The following VDAC1 variants were observed in gnomAD, a reference collection of about 807,000 sequenced individuals.
VDAC1 encodes non-selective voltage-gated ion channel VDAC1.
In VDAC1, 10 loss-of-function variants were observed where a neutral mutation model predicts 34.7. The observed-to-expected ratio is 0.29, with a 90% CI of 0.18 to 0.49. The LOEUF (loss-of-function observed/expected upper bound fraction) is 0.49, where lower values mean the gene tolerates loss of function less well. Among genes scored for constraint, VDAC1 ranks in the 20% least tolerant of loss-of-function variants. The pLI, the probability that VDAC1 is intolerant of heterozygous loss-of-function variation, is 0.99. For synonymous variants in VDAC1, 130 were observed against 136.0 expected (o/e 0.96, Z 0.30); for missense variants, 230 against 347.9 (o/e 0.66, Z 2.69).
the VDAC1 span, among the ~76,000 whole-genome samples, chr5:134,109,113 A>C: frequency 7.9e-6 from 1 of 126,930 alleles, no homozygotes; most frequent in South Asian, 2.7e-4. Flanking sequence ...ATTCTAAGTG[A>C]TCACTGCTAT....
At chr5:134,038,938 T>C in the VDAC1 span, among the ~76,000 whole-genome samples, 1 of 151,350 alleles carries the variant, frequency 6.6e-6, no homozygotes, top group South Asian at 2.1e-4. Flanking sequence ...AATGGGCCCA[T>C]AGAGGGCCCA....
chr5:134,063,165 T>C, the VDAC1 span, among the ~76,000 whole-genome samples: 15,139 of 152,250 alleles, frequency 0.099, 1,016 homozygotes, highest in East Asian at 0.28. Context: ...TATATGAATA[T>C]ATAACCATGG....
intron 1 of VDAC1, among the ~76,000 whole-genome samples, chr5:134,001,350 T>C (rs1038247757): frequency 2.0e-5 from 3 of 152,178 alleles, no homozygotes; most frequent in African/African-American, 4.8e-5. Flanking sequence ...AGAACATTCG[T>C]TGAGCCCCCA....
chr5:133,999,953 G>A (rs1753478935), intron 1 of VDAC1, among the ~76,000 whole-genome samples: 1 of 152,102 alleles, frequency 6.6e-6, no homozygotes, highest in Non-Finnish European at 1.5e-5. Flanking sequence ...AACTAGGCCA[G>A]CCTATAGGAG....
intron 5 of VDAC1, among the ~76,000 whole-genome samples, chr5:133,985,653 G>GA (rs1317894421): frequency 6.6e-6 from 1 of 151,986 alleles, no homozygotes; most frequent in Non-Finnish European, 1.5e-5. Flanking sequence ...GATGTCTCAA[G>GA]AAAAAAGAAA....
chr5:134,005,863 A>G (rs1753737887), upstream of VDAC1, among the ~76,000 whole-genome samples: 1 of 152,218 alleles, frequency 6.6e-6, no homozygotes, highest in South Asian at 2.1e-4. Context: ...ACGTCCTGGA[A>G]GGCTTGAGGC....
intron 6 of VDAC1, 95 bp downstream of exon 6, chr5:133,980,634 T>TA (rs55708320): frequency 0.2 from 113,336 of 580,422 alleles, 1,694 homozygotes; most frequent in South Asian, 0.24. Flanking sequence ...TGGGCTTTCT[T>TA]AAAAAAAAAA....
In VDAC1 at chr5:133,975,538, G is replaced by A. The variant is rs1752444423; in HGVS notation, c.702+333C>T. Among the ~76,000 whole-genome samples the A allele has an allele frequency of 4.7e-5, 7 of 150,440 alleles. No homozygotes were observed. The Admixed American group carries it at 4.7e-4, about 10-fold the overall frequency. ...TGCAGTGACACGATCTCAGCTCACT[G>A]CAACCTCCGCCTCCCCGGTTCAAGC... On this transcript the variant is annotated intron_variant, in intron 7 of 8. Coordinates refer to ENST00000265333, the MANE Select transcript of VDAC1 (RefSeq NM_003374.3).
At chr5:134,060,270 T>G in the VDAC1 span, among the ~76,000 whole-genome samples, 1 of 152,020 alleles carries the variant, frequency 6.6e-6, no homozygotes, top group Non-Finnish European at 1.5e-5. Flanking sequence ...GTTGATGCGC[T>G]GCACGCACCT....
intron 5 of VDAC1, chr5:133,989,278 A>G (rs1753014340): frequency 2.0e-5 from 3 of 152,250 alleles, no homozygotes; most frequent in African/African-American, 2.4e-5. Context: ...AAGAAAAAAA[A>G]TGAATGGCAA....
rs560250874 is a variant in VDAC1, at chr5:133,988,506, A to C, written c.323+2349T>G. Among the ~76,000 whole-genome samples, 6 of 151,784 alleles carry C rather than the reference A, an allele frequency of 4.0e-5. No homozygotes were observed. The South Asian group carries it at 1.0e-3, about 26-fold the overall frequency. On this transcript the variant is annotated intron_variant, in intron 5 of 8. Coordinates refer to ENST00000265333, the MANE Select transcript of VDAC1 (RefSeq NM_003374.3). ...GAGGCTGAGGCAGGAGAAACACATG[A>C]ATCTGCCCAGCACTTTGGGAGGCCG...
At chr5:134,057,622 G>T in the VDAC1 span, among the ~76,000 whole-genome samples, 1 of 151,480 alleles carries the variant, frequency 6.6e-6, no homozygotes, top group Non-Finnish European at 1.5e-5. Flanking sequence ...CTGGGAGGCG[G>T]AGGTTACAGT....
At chr5:134,107,202 G>A in the VDAC1 span, among the ~76,000 whole-genome samples, 3 of 152,350 alleles carry the variant, frequency 2.0e-5, no homozygotes, top group African/African-American at 4.8e-5. Flanking sequence ...GGGCAAAGCC[G>A]CACAGGAAGT....
chr5:134,002,471 C>T (rs1753595137), intron 1 of VDAC1, among the ~76,000 whole-genome samples: 1 of 152,220 alleles, frequency 6.6e-6, no homozygotes, highest in South Asian at 2.1e-4. Context: ...GAATCCCAGT[C>T]ACCCATGTCA....
chr5:134,063,574 C>A, the VDAC1 span, among the ~76,000 whole-genome samples: 27 of 152,174 alleles, frequency 1.8e-4, no homozygotes, highest in African/African-American at 6.0e-4. Flanking sequence ...TGCTGGGAAT[C>A]CTTCTGCTAA....
chr5:134,000,917 T>C (rs982284556), intron 1 of VDAC1, among the ~76,000 whole-genome samples: 17 of 152,164 alleles, frequency 1.1e-4, no homozygotes, highest in East Asian at 9.6e-4. Context: ...CAATGAGGCA[T>C]TGTTTAGCTG....
At chr5:134,042,650 TGCCTG>T in the VDAC1 span, among the ~76,000 whole-genome samples, 1 of 152,312 alleles carries the variant, frequency 6.6e-6, no homozygotes, top group East Asian at 1.9e-4. Context: ...TGCACTACTG[TGCCTG>T]GCTACTTTTT....
the VDAC1 span, among the ~76,000 whole-genome samples, chr5:134,013,965 T>G: frequency 1.4e-5 from 2 of 147,630 alleles, no homozygotes; most frequent in African/African-American, 5.0e-5. Context: ...CGAAAAAAAG[T>G]GGGCAGAGGA....
At chr5:134,007,936 G>T (rs1018623501), upstream of VDAC1, among the ~76,000 whole-genome samples, 2 of 152,110 alleles carry the variant, frequency 1.3e-5, no homozygotes, top group East Asian at 3.9e-4. Flanking sequence ...GGGTGGAGAA[G>T]GAGGTTTGTG....
Sources: gnomAD v4.1 joint callset for allele counts (sites outside exome capture counted in the v4.1 genomes callset) on GRCh38, gnomAD v4.1.1 for gene constraint, MANE v1.5 for transcripts, NCBI Gene and HGNC (gene_info 2026-07-23, HGNC 2026-07-21) for gene names.